Variants in DOK6 observed in about 807,000 individuals in gnomAD.
The protein encoded by DOK6 is downstream of tyrosine kinase 6.
A neutral mutation model predicts 44.0 loss-of-function variants in DOK6; 22 were observed. That is an observed-to-expected ratio of 0.50 (90% confidence interval 0.36 to 0.71). DOK6 has a LOEUF of 0.71. DOK6 is among the 30% of genes least tolerant of loss of function. The probability of loss-of-function intolerance (pLI) is 0.00; values close to 1 mark genes in which losing one functional copy is unlikely to be tolerated. For synonymous variants in DOK6, 166 were observed against 145.5 expected, an observed-to-expected ratio of 1.14 and a Z score of -1.01; for missense variants, 340 against 416.4, an observed-to-expected ratio of 0.82 and a Z score of 1.60.
intron 3 of DOK6, among the ~76,000 whole-genome samples, chr18:69,639,841 C>T (rs1449837116): frequency 6.6e-6 from 1 of 152,110 alleles, no homozygotes; most frequent in Admixed American, 6.6e-5. Flanking sequence ...TATCTCTACC[C>T]TATTATTTTC....
At chr18:69,686,202 G>T (rs1180293798) in intron 4 of DOK6, among the ~76,000 whole-genome samples, 2 of 152,122 alleles carry the variant, frequency 1.3e-5, no homozygotes, top group Non-Finnish European at 2.9e-5. Context: ...CTGGCACGCT[G>T]ATCTTGGACT....
At chr18:69,623,968 GAC>G (rs1470392778) in intron 3 of DOK6, among the ~76,000 whole-genome samples, 1 of 152,158 alleles carries the variant, frequency 6.6e-6, no homozygotes, top group Admixed American at 6.6e-5. Flanking sequence ...AGACATGATA[GAC>G]ATAGAGCCTT....
At chr18:69,605,585 A>G (rs1983975776) in intron 3 of DOK6, among the ~76,000 whole-genome samples, 1 of 152,232 alleles carries the variant, frequency 6.6e-6, no homozygotes, top group African/African-American at 2.4e-5. Context: ...CAACAATAAA[A>G]GGTAGTATAA....
intron 1 of DOK6, among the ~76,000 whole-genome samples, chr18:69,509,537 C>A (rs1467225039): frequency 6.6e-6 from 1 of 150,384 alleles, no homozygotes; most frequent in African/African-American, 2.5e-5. Flanking sequence ...ACTCGGGAGG[C>A]CGAGGCAGGA....
chr18:69,835,427 T>C (rs936469846), intron 7 of DOK6, among the ~76,000 whole-genome samples: 1 of 151,422 alleles, frequency 6.6e-6, no homozygotes, highest in Non-Finnish European at 1.5e-5. Context: ...ATCGCACCAC[T>C]GCACTCCAGC....
At chr18:69,730,324 A>G (rs1978360916) in intron 5 of DOK6, among the ~76,000 whole-genome samples, 1 of 152,234 alleles carries the variant, frequency 6.6e-6, no homozygotes, top group Admixed American at 6.5e-5. Context: ...TTGGGAAAAC[A>G]TCATGTAAAA....
intron 1 of DOK6, among the ~76,000 whole-genome samples, chr18:69,541,579 T>G (rs1307812014): frequency 1.3e-5 from 2 of 151,516 alleles, no homozygotes; most frequent in Non-Finnish European, 3.0e-5. Context: ...ATCTTAGGCA[T>G]GAGTTTATGC....
At chr18:69,708,182 CAG>C (rs1568339946) in intron 5 of DOK6, among the ~76,000 whole-genome samples, 1 of 152,094 alleles carries the variant, frequency 6.6e-6, no homozygotes, top group African/African-American at 2.4e-5. Flanking sequence ...AGCAAGTAAA[CAG>C]ATTTAAATTT....
chr18:69,695,945 G>A (rs906641495), intron 4 of DOK6, among the ~76,000 whole-genome samples: 3 of 152,142 alleles, frequency 2.0e-5, no homozygotes, highest in East Asian at 1.9e-4. Flanking sequence ...AGGCAAGAGG[G>A]TAGAGGCACC....
rs1381886745 is a variant in DOK6, at chr18:69,420,686, A to G, written c.66+19376A>G. 2.6e-5 allele frequency among the ~76,000 whole-genome samples: 4 copies of G among 152,090 alleles called. 1 individual carries two copies. The highest frequency in any genetic ancestry group is 4.4e-5 in the Non-Finnish European group (3 of 68,006). On this transcript the variant is annotated intron_variant, in intron 1 of 7. Transcript: ENST00000382713. Reference sequence around the variant, plus strand: ...TTAAGGAAGCTAAGATAACACAAGCAGGCTCAGATCTGTTACACTGATTTC... The same window carrying G: ...TTAAGGAAGCTAAGATAACACAAGCGGGCTCAGATCTGTTACACTGATTTC...
rs1473981455 is a variant in DOK6, at chr18:69,545,529, A to G, written c.67-18958A>G. Among the ~76,000 whole-genome samples the G allele has an allele frequency of 1.0e-4, 15 of 150,484 alleles. 1 individual carries two copies. Among genetic ancestry groups the G allele is most frequent in the Non-Finnish European group, 2.1e-4 (14 of 67,466 alleles). ...TCAGTGAAATACCAAAAAAAAAAAA[A>G]AAAAGAAAAGAAAAAACACTTGACC... On this transcript the variant is annotated intron_variant, in intron 1 of 7. Coordinates refer to ENST00000382713, the MANE Select transcript of DOK6 (RefSeq NM_152721.6).
chr18:69,649,322 T>C (rs747799234), intron 3 of DOK6, among the ~76,000 whole-genome samples: 147 of 152,332 alleles, frequency 9.6e-4, no homozygotes, highest in Middle Eastern at 3.4e-3. Flanking sequence ...AGAAATAATT[T>C]ATGTCCATGT....
chr18:69,510,312 A>G (rs7244238), intron 1 of DOK6, among the ~76,000 whole-genome samples: 36,569 of 152,116 alleles, frequency 0.24, 4,580 homozygotes, highest in Non-Finnish European at 0.26. Context: ...TTTAGTTAAT[A>G]TTAACCATTA....
intron 1 of DOK6, among the ~76,000 whole-genome samples, chr18:69,440,092 A>G (rs1056636278): frequency 2.0e-5 from 3 of 152,138 alleles, no homozygotes; most frequent in Admixed American, 1.3e-4. Context: ...TAATTTCAAC[A>G]TTGTTGTCTC....
At chr18:69,695,618 G>A (rs888487484) in intron 4 of DOK6, among the ~76,000 whole-genome samples, 5 of 152,140 alleles carry the variant, frequency 3.3e-5, no homozygotes, top group African/African-American at 7.2e-5. Flanking sequence ...AGCTTCCTTC[G>A]TCATTATAAC....
intron 2 of DOK6, among the ~76,000 whole-genome samples, chr18:69,571,036 GT>G (rs1415351634): frequency 1.3e-5 from 2 of 151,916 alleles, no homozygotes; most frequent in African/African-American, 4.8e-5. Context: ...CATTATATAT[GT>G]ATACATGATT....
intron 1 of DOK6, among the ~76,000 whole-genome samples, chr18:69,475,075 A>G (rs1716910355): frequency 6.6e-6 from 1 of 152,200 alleles, no homozygotes; most frequent in African/African-American, 2.4e-5. Flanking sequence ...TATCAAGAAA[A>G]AAACTCACTA....
intron 7 of DOK6, among the ~76,000 whole-genome samples, chr18:69,791,482 A>G (rs1373489151): frequency 6.6e-6 from 1 of 152,170 alleles, no homozygotes; most frequent in Non-Finnish European, 1.5e-5. Flanking sequence ...TGTAGTTTTA[A>G]TCTGCATTTC....
chr18:69,553,277 T>G (rs888988007), intron 1 of DOK6, among the ~76,000 whole-genome samples: 1 of 152,224 alleles, frequency 6.6e-6, no homozygotes, highest in Non-Finnish European at 1.5e-5. Context: ...TTGTGCATAG[T>G]GTAAGTCTAT....
Sources: allele counts gnomAD v4.1 joint callset (sites outside exome capture counted in the v4.1 genomes callset), GRCh38; gene constraint gnomAD v4.1.1; transcripts MANE v1.5; gene names NCBI Gene and HGNC (gene_info 2026-07-23, HGNC 2026-07-21).